CDH12: variants seen among roughly 807,000 people sequenced by gnomAD.
CDH12 encodes the protein cadherin 12.
CDH12 carries 41 observed loss-of-function variants against 74.1 expected under a neutral mutation model. That is an observed-to-expected ratio of 0.55 (90% CI 0.43 to 0.72). The LOEUF is 0.72. Among genes scored for constraint, CDH12 ranks in the 30% least tolerant of loss-of-function variants. The pLI, the probability that CDH12 is intolerant of heterozygous loss-of-function variation, is 0.00. For synonymous variants in CDH12, 399 were observed against 355.0 expected (o/e 1.12, Z -1.39); for missense variants, 945 against 977.2 (o/e 0.97, Z 0.44).
chr5:22,588,437 C>T (rs939254269), intron 1 of CDH12, among the ~76,000 whole-genome samples: 1 of 152,038 alleles, frequency 6.6e-6, no homozygotes, highest in African/African-American at 2.4e-5. Flanking sequence ...AAATTTGCCA[C>T]TGAAGTTACC....
At chr5:22,798,055 T>C (rs1317842352) in intron 1 of CDH12, among the ~76,000 whole-genome samples, 1 of 152,188 alleles carries the variant, frequency 6.6e-6, no homozygotes, top group Non-Finnish European at 1.5e-5. Flanking sequence ...AGAAATTTTT[T>C]CGCCTTCCTA....
intron 6 of CDH12, among the ~76,000 whole-genome samples, chr5:21,896,401 G>C (rs1208323524): frequency 6.6e-6 from 1 of 152,100 alleles, no homozygotes; most frequent in Non-Finnish European, 1.5e-5. Context: ...CTAAAAGATG[G>C]CATCCTCTTT....
chr5:22,835,638 T>G (rs1736787444), intron 1 of CDH12, among the ~76,000 whole-genome samples: 1 of 152,232 alleles, frequency 6.6e-6, no homozygotes, highest in African/African-American at 2.4e-5. Context: ...GTAAGCTATT[T>G]CTGACAAGGG....
chr5:21,930,442 C>T lies in CDH12; in HGVS notation c.526+44649G>A, dbSNP rs538279990. 5.9e-5 allele frequency among the ~76,000 whole-genome samples: 9 copies of T among 152,268 alleles called. No individual in the cohort carries two copies. The East Asian group carries it at 7.7e-4, about 13-fold the overall frequency. ...ATACAATATCCATATTTGCCAGGGA[C>T]AATCTTGATTTACAGTCATTTCCCA... On this transcript the variant is annotated intron_variant, in intron 6 of 14. Coordinates refer to ENST00000382254, the MANE Select transcript of CDH12 (RefSeq NM_004061.5).
At position 21,755,830 on chromosome 5, in the gene CDH12, C is replaced by G. The variant is rs143462106; in HGVS notation, c.1646G>C (p.Gly549Ala). ...TVRDFRNNTA[G>A]IETRRNGYSR... ...GTATCCATTTCTTCGGGTTTCAATC[C>G]CCGCTGTGTTGTCTACAAAACATGA... The change falls in exon 14 of 15, where the codon GGG becomes GCG. Residue 549 changes from glycine (G) to alanine (A), a missense_variant. By Grantham distance (60) the Gly-to-Ala change is moderately conservative (BLOSUM62 0). This residue lies in a region of CDH12 where 791 missense variants were observed against 792.8 expected (regional missense o/e 1.00). Coordinates refer to ENST00000382254, the MANE Select transcript of CDH12 (RefSeq NM_004061.5). 7.4e-6 allele frequency: 12 copies of G among 1,613,874 alleles called. No individual in the cohort carries two copies. The African/African-American group carries it at 1.6e-4, about 22-fold the overall frequency.
In CDH12 at chr5:22,425,691, T is replaced by G. The variant is rs1145540; in HGVS notation, c.-427-20340A>C. ...GAAGAATGATCTTTACTTTCTTAAT[T>G]TATATTACTTATATATAAAAATCAA... On this transcript the variant is annotated intron_variant, in intron 2 of 14. Coordinates refer to ENST00000382254, the MANE Select transcript of CDH12 (RefSeq NM_004061.5). 1.2e-3 allele frequency among the ~76,000 whole-genome samples: 188 copies of G among 151,774 alleles called. 3 individuals are homozygous for G. In the South Asian group the frequency reaches 0.037, roughly 30 times the overall value.
intron 5 of CDH12, among the ~76,000 whole-genome samples, chr5:22,015,875 C>T (rs1737571734): frequency 6.6e-6 from 1 of 152,110 alleles, no homozygotes; most frequent in East Asian, 1.9e-4. Flanking sequence ...TAAAAGGACA[C>T]TTTATTTCCT....
chr5:21,984,773 TATATGATGAA>T (rs1253285781), intron 5 of CDH12, among the ~76,000 whole-genome samples: 4 of 152,190 alleles, frequency 2.6e-5, no homozygotes, highest in African/African-American at 9.7e-5. Flanking sequence ...TAGAAGTAAT[TATATGATGAA>T]AATCTATATT....
At chr5:22,727,760 T>C (rs77134774) in intron 1 of CDH12, among the ~76,000 whole-genome samples, 7,725 of 151,830 alleles carry the variant, frequency 0.051, 227 homozygotes, top group Admixed American at 0.075. Context: ...TTCATCACAT[T>C]GAAGATGTTC....
intron 2 of CDH12, among the ~76,000 whole-genome samples, chr5:22,409,876 T>C (rs561052189): frequency 5.9e-5 from 9 of 152,152 alleles, no homozygotes; most frequent in African/African-American, 1.9e-4. Context: ...GGGAAGGGTG[T>C]CTGGATCAAT....
At chr5:21,908,324 C>T (rs974227129) in intron 6 of CDH12, among the ~76,000 whole-genome samples, 1 of 152,134 alleles carries the variant, frequency 6.6e-6, no homozygotes, top group African/African-American at 2.4e-5. Flanking sequence ...ACAAATACAT[C>T]CAAACTCGTT....
chr5:22,798,002 T>C (rs1748315908), intron 1 of CDH12, among the ~76,000 whole-genome samples: 1 of 152,168 alleles, frequency 6.6e-6, no homozygotes, highest in Admixed American at 6.5e-5. Context: ...CTCACCAGCT[T>C]TGTTTTGTCA....
chr5:22,308,546 T>G (rs1235977808), intron 3 of CDH12, among the ~76,000 whole-genome samples: 2 of 152,180 alleles, frequency 1.3e-5, no homozygotes, highest in Admixed American at 6.5e-5. Flanking sequence ...TAAATTAGGT[T>G]GATAGTTGTA....
intron 1 of CDH12, among the ~76,000 whole-genome samples, chr5:22,771,556 T>A (rs900710464): frequency 1.1e-4 from 16 of 152,150 alleles, no homozygotes; most frequent in African/African-American, 3.6e-4. Flanking sequence ...CTGAAAAAAA[T>A]ATTTTTATTT....
intron 1 of CDH12, among the ~76,000 whole-genome samples, chr5:22,547,047 A>G (rs1044637198): frequency 6.6e-6 from 1 of 152,228 alleles, no homozygotes; most frequent in Non-Finnish European, 1.5e-5. Context: ...TTTAAATCAT[A>G]TTTATGATGC....
At chr5:22,226,540 C>G (rs1383548118) in intron 3 of CDH12, among the ~76,000 whole-genome samples, 1 of 151,990 alleles carries the variant, frequency 6.6e-6, no homozygotes, top group African/African-American at 2.4e-5. Context: ...ACCCTAGAAG[C>G]TTAATTCTGC....
intron 6 of CDH12, among the ~76,000 whole-genome samples, chr5:21,897,167 A>G (rs1319328547): frequency 3.3e-5 from 5 of 152,194 alleles, no homozygotes; most frequent in East Asian, 1.9e-4. Context: ...ACAGCCAGGT[A>G]TTGTCATTTT....
intron 1 of CDH12, among the ~76,000 whole-genome samples, chr5:22,566,913 AT>A (rs1354043640): frequency 1.1e-4 from 16 of 152,124 alleles, no homozygotes. Context: ...TTCTATAGAG[AT>A]TTTGTAAGTA....
At chr5:22,167,779 G>T (rs181634982) in intron 4 of CDH12, among the ~76,000 whole-genome samples, 57 of 152,058 alleles carry the variant, frequency 3.7e-4, no homozygotes, top group African/African-American at 1.4e-3. Context: ...GACTCCCTTA[G>T]GTCTGCTTTG....
Sources: allele counts gnomAD v4.1 joint callset (sites outside exome capture counted in the v4.1 genomes callset), GRCh38; gene constraint gnomAD v4.1.1; regional missense constraint gnomAD v4.1.1; transcripts MANE v1.5; gene names NCBI Gene and HGNC (gene_info 2026-07-23, HGNC 2026-07-21).